The following ASPH variants were observed in gnomAD, a reference collection of about 807,000 sequenced individuals.
ASPH encodes the protein aspartate beta-hydroxylase.
ASPH carries 100 observed loss-of-function variants against 118.4 expected under a neutral mutation model. The observed-to-expected ratio is 0.84, with a 90% confidence interval of 0.72 to 1.00. ASPH has a LOEUF of 1.00. Ranked by LOEUF, ASPH falls within the 50% of genes least tolerant of loss-of-function variation. The probability of loss-of-function intolerance (pLI) is 0.00; values close to 1 mark genes in which losing one functional copy is unlikely to be tolerated. For synonymous variants in ASPH, 315 were observed against 325.6 expected, an observed-to-expected ratio of 0.97 and a Z score of 0.35; for missense variants, 920 against 919.5, an observed-to-expected ratio of 1.00 and a Z score of -0.01.
chr8:61,650,886 C>T (rs1810627015), intron 5 of ASPH, among the ~76,000 whole-genome samples, 164 bp downstream of exon 5: 1 of 152,188 alleles, frequency 6.6e-6, no homozygotes, highest in South Asian at 2.1e-4. Flanking sequence ...AAGTTTAGTG[C>T]TATTTCAAAA....
chr8:61,636,555 G>A (rs1299613902), intron 12 of ASPH, among the ~76,000 whole-genome samples: 1 of 152,166 alleles, frequency 6.6e-6, no homozygotes, highest in Non-Finnish European at 1.5e-5. Context: ...GCTGCAGGAT[G>A]GGTGGCAGGT....
intron 24 of ASPH, among the ~76,000 whole-genome samples, chr8:61,510,052 G>A (rs909855974): frequency 9.2e-5 from 14 of 152,310 alleles, no homozygotes; most frequent in Admixed American, 7.8e-4. Context: ...TCCCTGGAAC[G>A]TAAGGACAGA....
At chr8:61,552,958 A>G in intron 20 of ASPH, 73 bp downstream of exon 20, 1 of 1,289,498 alleles carries the variant, frequency 7.8e-7, no homozygotes, top group Non-Finnish European at 1.1e-6. Context: ...TTGAATTCTA[A>G]CTTTCCTAGA....
intron 14 of ASPH, among the ~76,000 whole-genome samples, chr8:61,597,208 A>AC (rs1842736895): frequency 2.0e-5 from 3 of 150,852 alleles, no homozygotes; most frequent in Admixed American, 6.6e-5. Flanking sequence ...AAAAAAAAAA[A>AC]AAAAAAACAA....
intron 3 of ASPH, among the ~76,000 whole-genome samples, chr8:61,674,486 G>A (rs7836999): frequency 0.18 from 27,760 of 152,128 alleles, 2,668 homozygotes; most frequent in South Asian, 0.35. Flanking sequence ...ACAAACAAGA[G>A]CTTTAATAGT....
At chr8:61,642,857 G>GAAAAAAAAAAAAAAA in intron 10 of ASPH, 31 bp downstream of exon 10, 2 of 1,049,882 alleles carry the variant, frequency 1.9e-6, no homozygotes, top group Non-Finnish European at 2.5e-6. Context: ...AAAAAAAAAA[G>GAAAAAAAAAAAAAAA]AAAAAAAAAA....
At chr8:61,531,485 T>A (rs1479633690) in intron 21 of ASPH, among the ~76,000 whole-genome samples, 1 of 152,104 alleles carries the variant, frequency 6.6e-6, no homozygotes, top group Non-Finnish European at 1.5e-5. Flanking sequence ...TGGTTAGGTA[T>A]TTAGGTTGTA....
rs184295936 is a variant in ASPH at position 61,624,234 on chromosome 8, G to A, written c.935-5215C>T. The A allele has an allele frequency of 2.7e-4, 266 of 985,202 alleles. 2 individuals are homozygous for A. In the African/African-American group the frequency reaches 4.0e-3, roughly 15 times the overall value. The allele number at this position is 985,202 out of a possible 1,614,324, so 61.0% of individuals were successfully genotyped here. A position where few individuals can be genotyped will look rare whatever the true frequency, so the allele number is the denominator to read the frequency against. Reference sequence around the variant, plus strand: ...ATACTCACAAAAATTAAAAATTTGGGGAAAAAAGGTGGAGCAGGCTGTCCA... The same window carrying A: ...ATACTCACAAAAATTAAAAATTTGGAGAAAAAAGGTGGAGCAGGCTGTCCA... On this transcript the variant is annotated intron_variant, in intron 13 of 24. Coordinates refer to ENST00000379454, the MANE Select transcript of ASPH (RefSeq NM_004318.4).
At chr8:61,565,500 C>T (rs1298591558) in intron 17 of ASPH, among the ~76,000 whole-genome samples, 1 of 152,104 alleles carries the variant, frequency 6.6e-6, no homozygotes, top group African/African-American at 2.4e-5. Flanking sequence ...GAGAAGAGAG[C>T]TAGCAGAGAT....
chr8:61,680,756 G>A (rs1827640094), intron 3 of ASPH: 2 of 370,976 alleles, frequency 5.4e-6, no homozygotes, highest in Non-Finnish European at 9.6e-6. Flanking sequence ...ATATGTGTAA[G>A]AGATATACAC....
At chr8:61,617,600 T>C (rs1345205320) in intron 14 of ASPH, among the ~76,000 whole-genome samples, 1 of 152,102 alleles carries the variant, frequency 6.6e-6, no homozygotes, top group African/African-American at 2.4e-5. Context: ...TGCAGCATTA[T>C]ACAAATTATT....
chr8:61,689,707 T>C (rs1416385262), intron 1 of ASPH: 2 of 1,580,132 alleles, frequency 1.3e-6, no homozygotes, highest in Middle Eastern at 1.7e-4. Context: ...CTTCAATCCA[T>C]GAATAATAAA....
At chr8:61,641,401 T>C (rs1199043849) in intron 10 of ASPH, among the ~76,000 whole-genome samples, 3 of 152,166 alleles carry the variant, frequency 2.0e-5, no homozygotes, top group Non-Finnish European at 2.9e-5. Flanking sequence ...CAACTTGTAT[T>C]TATAAATTCC....
intron 19 of ASPH, among the ~76,000 whole-genome samples, chr8:61,555,500 G>T (rs1694501026): frequency 6.6e-6 from 1 of 151,950 alleles, no homozygotes; most frequent in Non-Finnish European, 1.5e-5. Flanking sequence ...CACCATGTTG[G>T]CCAGGCTGGT....
intron 22 of ASPH, among the ~76,000 whole-genome samples, chr8:61,521,919 G>C (rs1709279681): frequency 6.6e-6 from 1 of 152,124 alleles, no homozygotes; most frequent in Non-Finnish European, 1.5e-5. Context: ...TGACAATTCT[G>C]ATCAGTTGCT....
At position 61,633,376 on chromosome 8, in the gene ASPH, C is replaced by T. The variant is rs138033857; in HGVS notation, c.934+307G>A. ...TGATTCCATATTCTCCATCAAATAG[C>T]CTGTCAATCAAAGAGGAAAACAAAA... On this transcript the variant is annotated intron_variant, in intron 13 of 24. Coordinates refer to ENST00000379454, the MANE Select transcript of ASPH (RefSeq NM_004318.4). 14 of 206,592 alleles carry T rather than the reference C, an allele frequency of 6.8e-5. No homozygotes were observed. The Admixed American group carries it at 8.4e-4, about 12-fold the overall frequency. The allele number at this position is 206,592 out of a possible 1,614,324, so 12.8% of individuals were successfully genotyped here.
intron 16 of ASPH, among the ~76,000 whole-genome samples, chr8:61,575,879 TACC>T (rs1834981867): frequency 6.6e-6 from 1 of 152,118 alleles, no homozygotes; most frequent in Admixed American, 6.5e-5. Context: ...AGGCAAAAGG[TACC>T]ACCTCTGTAG....
chr8:61,611,646 A>G (rs1319987440), intron 14 of ASPH, among the ~76,000 whole-genome samples: 4 of 152,210 alleles, frequency 2.6e-5, no homozygotes, highest in Non-Finnish European at 2.9e-5. Flanking sequence ...TGGCCAGGCA[A>G]CTGAAATTTA....
intron 13 of ASPH, chr8:61,625,590 C>T (rs1005339140): frequency 5.1e-6 from 5 of 983,886 alleles, no homozygotes; most frequent in Non-Finnish European, 6.0e-6. Context: ...TCAGCTTTCC[C>T]CTCTCATTTA....
Sources: gnomAD v4.1 joint callset for allele counts (sites outside exome capture counted in the v4.1 genomes callset) on GRCh38, gnomAD v4.1.1 for gene constraint, MANE v1.5 for transcripts, NCBI Gene and HGNC (gene_info 2026-07-23, HGNC 2026-07-21) for gene names.